UNC13C: variants seen among roughly 807,000 people sequenced by gnomAD.
The protein encoded by UNC13C is protein unc-13 homolog C.
In UNC13C, 174 loss-of-function variants were observed where a neutral mutation model predicts 245.4. The observed-to-expected ratio is 0.71, with a 90% CI of 0.63 to 0.80. The LOEUF is 0.80. Ranked by LOEUF, UNC13C falls within the 30% of genes least tolerant of loss-of-function variation. The pLI is 0.00. For missense variants in UNC13C, 2,829 were observed against 2,602.9 expected, an observed-to-expected ratio of 1.09 and a Z score of -1.89; for synonymous variants, 992 against 895.1, an observed-to-expected ratio of 1.11 and a Z score of -1.93.
intron 4 of UNC13C, among the ~76,000 whole-genome samples, chr15:54,196,702 G>A (rs2034364296): frequency 6.6e-6 from 1 of 152,160 alleles, no homozygotes; most frequent in Non-Finnish European, 1.5e-5. Flanking sequence ...CCAATCTACA[G>A]TAGCTGATTA....
intron 2 of UNC13C, chr15:54,048,978 A>C: frequency 2.8e-6 from 1 of 359,144 alleles, no homozygotes. Flanking sequence ...ACTCCAGGCC[A>C]AAGTATGCAC....
At chr15:54,184,226 C>T (rs948939919) in intron 4 of UNC13C, among the ~76,000 whole-genome samples, 1 of 151,858 alleles carries the variant, frequency 6.6e-6, no homozygotes, top group African/African-American at 2.4e-5. Flanking sequence ...CTATTAGATT[C>T]ATTATCCATT....
At chr15:54,497,023 T>A (rs1348190411) in intron 20 of UNC13C, among the ~76,000 whole-genome samples, 1 of 152,082 alleles carries the variant, frequency 6.6e-6, no homozygotes, top group African/African-American at 2.4e-5. Context: ...GAGTTAAATA[T>A]GAAGTCTGTA....
chr15:54,009,291 C>T (rs939273045), intron 1 of UNC13C, among the ~76,000 whole-genome samples: 1 of 152,142 alleles, frequency 6.6e-6, no homozygotes. Flanking sequence ...GATTGCCCCC[C>T]ACTATATCAT....
At chr15:53,863,311 G>A in the UNC13C span, among the ~76,000 whole-genome samples, 20 of 152,288 alleles carry the variant, frequency 1.3e-4, no homozygotes, top group African/African-American at 4.6e-4. Context: ...CCAAGTCTAT[G>A]TAGGTTGGCC....
intron 30 of UNC13C, among the ~76,000 whole-genome samples, chr15:54,576,743 A>C (rs138389770): frequency 9.7e-4 from 147 of 152,208 alleles, no homozygotes; most frequent in African/African-American, 3.5e-3. Flanking sequence ...CAGCACATGG[A>C]TTCATCTTGT....
At chr15:54,607,786 C>G (rs1395379915) in intron 30 of UNC13C, among the ~76,000 whole-genome samples, 3 of 152,078 alleles carry the variant, frequency 2.0e-5, no homozygotes, top group East Asian at 3.9e-4. Context: ...ACAAGCAGAT[C>G]TCTTGAGAAC....
intron 14 of UNC13C, among the ~76,000 whole-genome samples, chr15:54,327,621 A>T (rs986968828): frequency 6.6e-6 from 1 of 152,128 alleles, no homozygotes; most frequent in African/African-American, 2.4e-5. Flanking sequence ...CCAGAGCTCA[A>T]TTAGAGCTCA....
At chr15:53,851,192 G>A in the UNC13C span, among the ~76,000 whole-genome samples, 1 of 151,546 alleles carries the variant, frequency 6.6e-6, no homozygotes, top group Non-Finnish European at 1.5e-5. Context: ...CTTTTTTCTG[G>A]TTATTGGTGA....
chr15:54,176,907 CA>C (rs2033634866), intron 4 of UNC13C, among the ~76,000 whole-genome samples: 1 of 152,062 alleles, frequency 6.6e-6, no homozygotes, highest in Non-Finnish European at 1.5e-5. Flanking sequence ...AAAGACTCAT[CA>C]CATTAAGGTG....
intron 7 of UNC13C, among the ~76,000 whole-genome samples, chr15:54,247,626 T>C (rs945382781): frequency 3.9e-5 from 6 of 152,146 alleles, no homozygotes; most frequent in Non-Finnish European, 5.9e-5. Context: ...TGAGATCTTA[T>C]TAAAGGGGAT....
intron 2 of UNC13C, among the ~76,000 whole-genome samples, chr15:54,084,126 C>T (rs1899107356): frequency 6.6e-6 from 1 of 152,228 alleles, no homozygotes; most frequent in Non-Finnish European, 1.5e-5. Flanking sequence ...GGGTCGGTCT[C>T]AGCCAGACTC....
intron 2 of UNC13C, chr15:54,049,165 G>C (rs1175937655): frequency 2.4e-6 from 1 of 421,052 alleles, no homozygotes. Context: ...TCATCTAATA[G>C]TTTTCCAGTT....
the UNC13C span, among the ~76,000 whole-genome samples, chr15:53,838,041 A>C: frequency 6.6e-6 from 1 of 152,252 alleles, no homozygotes; most frequent in East Asian, 1.9e-4. Flanking sequence ...GAATTAAAAA[A>C]TTTTGCTATA....
chr15:54,249,761 G>C (rs771577094), intron 7 of UNC13C, among the ~76,000 whole-genome samples: 19 of 152,156 alleles, frequency 1.2e-4, no homozygotes, highest in Non-Finnish European at 2.2e-4. Context: ...TCCTTCCCCG[G>C]TGATAGGTAC....
chr15:54,289,951 A>G (rs897500905), intron 10 of UNC13C, among the ~76,000 whole-genome samples: 1 of 152,082 alleles, frequency 6.6e-6, no homozygotes, highest in African/African-American at 2.4e-5. Flanking sequence ...TCTTCAGAAG[A>G]TGAGCAATAC....
chr15:54,360,069 G>A (rs1331443361), intron 17 of UNC13C, among the ~76,000 whole-genome samples: 1 of 151,728 alleles, frequency 6.6e-6, no homozygotes, highest in Non-Finnish European at 1.5e-5. Context: ...ACCCATTATT[G>A]TTCAGGAGCA....
intron 2 of UNC13C, among the ~76,000 whole-genome samples, chr15:54,127,294 T>A (rs1221914758): frequency 6.6e-6 from 1 of 152,106 alleles, no homozygotes; most frequent in Non-Finnish European, 1.5e-5. Flanking sequence ...ACCAAAGACT[T>A]GGAACCAACC....
intron 10 of UNC13C, among the ~76,000 whole-genome samples, chr15:54,282,526 G>C (rs1179386963): frequency 6.6e-6 from 1 of 152,104 alleles, no homozygotes; most frequent in Non-Finnish European, 1.5e-5. Context: ...GCCCAGGTGA[G>C]GGTGCCCACG....
Sources: gnomAD v4.1 joint callset for allele counts (sites outside exome capture counted in the v4.1 genomes callset) on GRCh38, gnomAD v4.1.1 for gene constraint, MANE v1.5 for transcripts, NCBI Gene and HGNC (gene_info 2026-07-23, HGNC 2026-07-21) for gene names.